The following PSD3 variants were observed in gnomAD, a reference collection of about 807,000 sequenced individuals.
PSD3 encodes pleckstrin and Sec7 domain containing 3.
Under a neutral mutation model 105.5 loss-of-function variants are expected in PSD3, and 49 were observed. That is an observed-to-expected ratio of 0.46 (90% CI 0.37 to 0.59). PSD3 has a LOEUF of 0.59. Among genes scored for constraint, PSD3 ranks in the 20% least tolerant of loss-of-function variants. PSD3 has a pLI of 0.00. For missense variants in PSD3, 1,561 were observed against 1,263.8 expected (o/e 1.24, Z -3.57); for synonymous variants, 557 against 457.8 (o/e 1.22, Z -2.77).
intron 9 of PSD3, among the ~76,000 whole-genome samples, chr8:18,758,883 T>A (rs1300321890): frequency 1.3e-5 from 2 of 152,146 alleles, no homozygotes; most frequent in Admixed American, 6.5e-5. Context: ...TAAGAGAATC[T>A]TGCCTAAACT....
chr8:18,808,206 T>C (rs1013130075), intron 4 of PSD3, among the ~76,000 whole-genome samples: 1 of 152,096 alleles, frequency 6.6e-6, no homozygotes, highest in Non-Finnish European at 1.5e-5. Context: ...GCCCTTGGAG[T>C]TGTGTTTCCA....
In PSD3 at chr8:18,936,214, C is replaced by G. The variant is rs1822124731; in HGVS notation, c.22-72G>C. On this transcript the variant is annotated intron_variant, in intron 1 of 15. Coordinates refer to ENST00000327040, the MANE Select transcript of PSD3 (RefSeq NM_015310.4). Reference sequence around the variant, plus strand: ...AAAAACACATCATAAAACAAATTATCCAACATGAGATTGGTAAAATAATTA... The same window carrying G: ...AAAAACACATCATAAAACAAATTATGCAACATGAGATTGGTAAAATAATTA... 8.2e-6 allele frequency: 8 copies of G among 975,924 alleles called. 1 individual carries two copies. Among genetic ancestry groups the G allele is most frequent in the Non-Finnish European group, 1.3e-5 (8 of 620,588 alleles). The allele number at this position is 975,924 out of a possible 1,614,324, so 60.5% of individuals were successfully genotyped here. A position where few individuals can be genotyped will look rare whatever the true frequency, so the allele number is the denominator to read the frequency against.
chr8:18,621,830 TG>T (rs1806132996), intron 11 of PSD3, among the ~76,000 whole-genome samples: 1 of 152,144 alleles, frequency 6.6e-6, no homozygotes, highest in African/African-American at 2.4e-5. Flanking sequence ...AACTGTCTTT[TG>T]GGAAAAAAAA....
At chr8:18,887,779 C>T (rs1271342346) in intron 2 of PSD3, among the ~76,000 whole-genome samples, 1 of 152,134 alleles carries the variant, frequency 6.6e-6, no homozygotes, top group Non-Finnish European at 1.5e-5. Flanking sequence ...AAACAGGGTG[C>T]TGAAAAATGT....
intron 4 of PSD3, among the ~76,000 whole-genome samples, chr8:18,839,111 A>G (rs183264831): frequency 2.6e-5 from 4 of 152,118 alleles, no homozygotes; most frequent in African/African-American, 9.6e-5. Context: ...GCTCTCTCCC[A>G]AACAGCCAGG....
intron 2 of PSD3, among the ~76,000 whole-genome samples, chr8:18,929,973 CG>C (rs1037285593): frequency 6.6e-6 from 1 of 151,960 alleles, no homozygotes; most frequent in African/African-American, 2.4e-5. Context: ...AGTGGAAGAT[CG>C]TACTTTAAAA....
chr8:18,950,760 A>G (rs186439207), intron 1 of PSD3, among the ~76,000 whole-genome samples: 1 of 152,064 alleles, frequency 6.6e-6, no homozygotes, highest in East Asian at 1.9e-4. Context: ...AAATTCCACG[A>G]CCCATTTGGT....
chr8:18,548,410 T>C (rs1800573865), intron 15 of PSD3, among the ~76,000 whole-genome samples: 1 of 152,232 alleles, frequency 6.6e-6, no homozygotes, highest in Non-Finnish European at 1.5e-5. Flanking sequence ...ACTGCTGTTT[T>C]TGCATTAGAA....
At chr8:18,807,757 T>C (rs924573211) in intron 4 of PSD3, among the ~76,000 whole-genome samples, 22 of 152,182 alleles carry the variant, frequency 1.4e-4, no homozygotes, top group African/African-American at 2.4e-5. Context: ...AAAATCTCCA[T>C]GAAAATACAT....
intron 9 of PSD3, chr8:18,684,243 C>CACACACACACACAG (rs1249401646): frequency 5.2e-5 from 11 of 210,914 alleles, no homozygotes; most frequent in African/African-American, 2.3e-4. Flanking sequence ...CACACACACA[C>CACACACACACACAG]ACACACACCC....
At chr8:18,920,337 G>C (rs568748121) in intron 2 of PSD3, among the ~76,000 whole-genome samples, 63 of 152,200 alleles carry the variant, frequency 4.1e-4, no homozygotes, top group Non-Finnish European at 8.1e-4. Context: ...TCACAAAGGG[G>C]AAATAAAATT....
In PSD3 at chr8:18,611,374, T is replaced by A. The variant is rs138929908; in HGVS notation, c.2411-10940A>T. On this transcript the variant is annotated intron_variant, in intron 11 of 15. Coordinates refer to ENST00000327040, the MANE Select transcript of PSD3 (RefSeq NM_015310.4). ...AGTCTCAAAACATTGCAAATGATCA[T>A]CATCCTTTAGCAAGACAGCCTAAGA... is the stretch of plus-strand genomic sequence containing the variant. 1.9e-3 allele frequency among the ~76,000 whole-genome samples: 293 copies of A among 152,182 alleles called. 1 individual carries two copies. The highest frequency in any genetic ancestry group is 6.6e-3 in the African/African-American group (275 of 41,536).
chr8:18,572,484 C>A (rs1802203895), intron 14 of PSD3, 44 bp downstream of exon 14: 1 of 1,589,532 alleles, frequency 6.3e-7, no homozygotes, highest in East Asian at 2.2e-5. Context: ...CATTATTTTA[C>A]AAAGTACTTT....
intron 9 of PSD3, among the ~76,000 whole-genome samples, chr8:18,678,667 CG>C (rs1365586395): frequency 2.8e-5 from 4 of 145,384 alleles, no homozygotes; most frequent in African/African-American, 1.0e-4. Flanking sequence ...CAAAATTAGC[CG>C]GACGTGGTGG....
upstream of PSD3, among the ~76,000 whole-genome samples, chr8:19,016,434 G>T (rs1827181966): frequency 6.6e-6 from 1 of 152,164 alleles, no homozygotes; most frequent in Admixed American, 6.5e-5. Context: ...TCCTATTTCT[G>T]AAGGTCACTG....
chr8:18,653,676 C>A (rs1052100306), intron 10 of PSD3, among the ~76,000 whole-genome samples: 6 of 152,068 alleles, frequency 3.9e-5, no homozygotes, highest in African/African-American at 1.4e-4. Context: ...AACTCCCGCC[C>A]CTCCACCCTT....
chr8:18,786,373 T>C (rs559024361), intron 8 of PSD3, among the ~76,000 whole-genome samples: 2 of 152,322 alleles, frequency 1.3e-5, no homozygotes, highest in African/African-American at 4.8e-5. Flanking sequence ...TAAGTAATAA[T>C]TGTCATAATT....
intron 2 of PSD3, among the ~76,000 whole-genome samples, chr8:18,928,524 C>G (rs762094957): frequency 3.3e-5 from 5 of 152,062 alleles, no homozygotes; most frequent in African/African-American, 4.8e-5. Context: ...TTATTCCACA[C>G]AAAAAAGTAG....
At chr8:18,601,834 G>A (rs73211783) in intron 11 of PSD3, among the ~76,000 whole-genome samples, 5,498 of 152,238 alleles carry the variant, frequency 0.036, 157 homozygotes, top group East Asian at 0.11. Context: ...TGAGCACTGC[G>A]CACACAGAAG....
Sources: allele counts gnomAD v4.1 joint callset (sites outside exome capture counted in the v4.1 genomes callset), GRCh38; gene constraint gnomAD v4.1.1; transcripts MANE v1.5; gene names NCBI Gene and HGNC (gene_info 2026-07-23, HGNC 2026-07-21).